The following CD86 variants were observed in gnomAD, a reference collection of about 807,000 sequenced individuals.
CD86 encodes the protein CD86 molecule.
A neutral mutation model predicts 32.1 loss-of-function variants in CD86; 11 were observed. The ratio of observed to expected loss-of-function variants is 0.34; its 90% CI spans 0.22 to 0.57. The LOEUF (loss-of-function observed/expected upper bound fraction) is 0.57, where lower values mean the gene tolerates loss of function less well. CD86 is among the 20% of genes least tolerant of loss of function. The pLI is 0.86. For synonymous variants in CD86, 137 were observed against 135.3 expected (o/e 1.01, Z -0.09); for missense variants, 359 against 398.4 (o/e 0.90, Z 0.84).
At chr3:122,096,076 G>GT (rs1409755847) in intron 2 of CD86, among the ~76,000 whole-genome samples, 2 of 152,118 alleles carry the variant, frequency 1.3e-5, no homozygotes, top group Non-Finnish European at 2.9e-5. Flanking sequence ...GTACTGTTGA[G>GT]ATTTATGGAA....
chr3:122,118,324 T>C (rs1361053719), intron 6 of CD86, among the ~76,000 whole-genome samples: 1 of 152,164 alleles, frequency 6.6e-6, no homozygotes, highest in East Asian at 1.9e-4. Flanking sequence ...CATGGTCAAG[T>C]AAAAGTCAAT....
At chr3:122,068,712 A>T (rs2072448246) in intron 1 of CD86, among the ~76,000 whole-genome samples, 1 of 152,262 alleles carries the variant, frequency 6.6e-6, no homozygotes, top group African/African-American at 2.4e-5. Context: ...AATATGTTAC[A>T]TAGTTATGTT....
At chr3:122,073,595 G>C (rs1299285024) in intron 1 of CD86, among the ~76,000 whole-genome samples, 1 of 152,202 alleles carries the variant, frequency 6.6e-6, no homozygotes, top group African/African-American at 2.4e-5. Context: ...ACTCTCAGGT[G>C]ATGTCAGGGA....
intron 1 of CD86, among the ~76,000 whole-genome samples, chr3:122,080,560 C>T (rs545931240): frequency 9.2e-5 from 14 of 152,278 alleles, no homozygotes; most frequent in East Asian, 7.7e-4. Flanking sequence ...TCTAAATCTG[C>T]GAAGACATTT....
At chr3:122,091,955 G>A (rs565497147) in intron 2 of CD86, 3 of 303,128 alleles carry the variant, frequency 9.9e-6, no homozygotes, top group Admixed American at 4.5e-5. Context: ...ATGGGGGAAG[G>A]CTGCTGCACT....
At chr3:122,114,109 G>A (rs923700042) in intron 5 of CD86, among the ~76,000 whole-genome samples, 1 of 151,960 alleles carries the variant, frequency 6.6e-6, no homozygotes, top group Non-Finnish European at 1.5e-5. Flanking sequence ...AAATTAGCTG[G>A]GTGTGGTGGC....
At chr3:122,079,719 G>A (rs2072604345) in intron 1 of CD86, among the ~76,000 whole-genome samples, 1 of 152,128 alleles carries the variant, frequency 6.6e-6, no homozygotes, top group African/African-American at 2.4e-5. Flanking sequence ...GCTGAGGTTT[G>A]GGAAATAGGC....
At chr3:122,116,162 T>C (rs981570124) in intron 5 of CD86, among the ~76,000 whole-genome samples, 2 of 152,182 alleles carry the variant, frequency 1.3e-5, no homozygotes, top group African/African-American at 2.4e-5. Flanking sequence ...GTCATCAATA[T>C]GGAAAACTTT....
chr3:122,100,358 T>C (rs1187355892), intron 2 of CD86, among the ~76,000 whole-genome samples: 2 of 152,146 alleles, frequency 1.3e-5, no homozygotes, highest in African/African-American at 4.8e-5. Context: ...GTGGCTTCCT[T>C]TGGGTGAAGC....
chr3:122,091,402 GC>G (rs2072816991), intron 1 of CD86, among the ~76,000 whole-genome samples, 198 bp from the exon 2 acceptor site: 1 of 152,152 alleles, frequency 6.6e-6, no homozygotes, highest in African/African-American at 2.4e-5. Flanking sequence ...CTGTATAACT[GC>G]AGGGGAGGCT....
chr3:122,084,229 T>G (rs1242326490), intron 1 of CD86, among the ~76,000 whole-genome samples: 2 of 152,198 alleles, frequency 1.3e-5, no homozygotes, highest in African/African-American at 4.8e-5. Context: ...TCAGGTAATC[T>G]GCCCACCTCG....
intron 1 of CD86, among the ~76,000 whole-genome samples, chr3:122,061,580 T>C (rs1323856380): frequency 6.6e-6 from 1 of 152,088 alleles, no homozygotes; most frequent in South Asian, 2.1e-4. Flanking sequence ...AAAGAAAATA[T>C]ACAGATGGTG....
At chr3:122,091,876 C>T in intron 2 of CD86, 1 of 539,010 alleles carries the variant, frequency 1.9e-6, no homozygotes, top group Non-Finnish European at 3.3e-6. Flanking sequence ...TGTGCTTCTT[C>T]CTCCTCTGCA....
At position 122,101,323 on chromosome 3, in the gene CD86, C is replaced by T. The variant is rs2072995562; in HGVS notation, c.65-2189C>T. ...ACCAGCCCACATGTGACGTGAATCT[C>T]ATTGGTCCATACATCACACTTTCAG... On this transcript the variant is annotated intron_variant, in intron 2 of 6. Coordinates refer to ENST00000330540, the MANE Select transcript of CD86 (RefSeq NM_175862.5). 2.6e-5 allele frequency among the ~76,000 whole-genome samples: 4 copies of T among 151,698 alleles called. No individual in the cohort carries two copies. In the South Asian group the frequency reaches 8.4e-4, roughly 32 times the overall value.
intron 2 of CD86, among the ~76,000 whole-genome samples, chr3:122,101,511 AAAATATATATATATAT>A (rs2073005512): frequency 4.0e-5 from 1 of 24,926 alleles, no homozygotes; most frequent in Non-Finnish European, 8.4e-5. Flanking sequence ...AAAAAAAAAA[AAAATATATATATATAT>A]ATATATATAT....
At chr3:122,079,331 GA>G (rs1162148260) in intron 1 of CD86, among the ~76,000 whole-genome samples, 1 of 152,158 alleles carries the variant, frequency 6.6e-6, no homozygotes, top group Non-Finnish European at 1.5e-5. Context: ...CAGGTAGGGA[GA>G]AAACATGAGA....
chr3:122,091,492 C>A, intron 1 of CD86, 109 bp from the exon 2 acceptor site: 3 of 857,752 alleles, frequency 3.5e-6, no homozygotes, highest in South Asian at 1.4e-5. Context: ...TCTGCACACC[C>A]GAGAACCCAA....
chr3:122,076,044 TG>T (rs1311610277), intron 1 of CD86, among the ~76,000 whole-genome samples: 1 of 152,228 alleles, frequency 6.6e-6, no homozygotes, highest in Non-Finnish European at 1.5e-5. Flanking sequence ...GAGCAGGGTT[TG>T]AACACAGGTC....
At chr3:122,119,323 T>C in intron 6 of CD86, 115 bp from the exon 7 acceptor site, 1 of 694,254 alleles carries the variant, frequency 1.4e-6, no homozygotes, top group Non-Finnish European at 2.6e-6. Context: ...CAATAGTTTG[T>C]TTCTCCTCAT....
Sources: allele counts gnomAD v4.1 joint callset (sites outside exome capture counted in the v4.1 genomes callset), GRCh38; gene constraint gnomAD v4.1.1; transcripts MANE v1.5; gene names NCBI Gene and HGNC (gene_info 2026-07-23, HGNC 2026-07-21).